The following GALNTL6 variants were observed in gnomAD, a reference collection of about 807,000 sequenced individuals.
GALNTL6 encodes polypeptide N-acetylgalactosaminyltransferase-like 6.
A neutral mutation model predicts 73.7 loss-of-function variants in GALNTL6; 46 were observed. That is an observed-to-expected ratio of 0.62 (90% confidence interval 0.49 to 0.80). The LOEUF (loss-of-function observed/expected upper bound fraction) is 0.80. Among genes scored for constraint, GALNTL6 ranks in the 30% least tolerant of loss-of-function variants. The pLI is 0.00. For synonymous variants in GALNTL6, 259 were observed against 263.7 expected, an observed-to-expected ratio of 0.98 and a Z score of 0.17; for missense variants, 604 against 755.0, an observed-to-expected ratio of 0.80 and a Z score of 2.34.
At position 172,618,261 on chromosome 4, in the gene GALNTL6, C is replaced by T. The variant is rs145894041; in HGVS notation, c.554-191100C>T. The stretch of plus-strand genomic sequence containing the variant: ...GTCATATGGAGCTGAAAGCAATCTC[C>T]TTCATTAACACTAAGTGCCCAGAAA... On this transcript the variant is annotated intron_variant, in intron 5 of 12. Coordinates refer to ENST00000506823, the MANE Select transcript of GALNTL6 (RefSeq NM_001034845.3). Among the ~76,000 whole-genome samples the T allele has an allele frequency of 8.7e-3, 1,321 of 152,210 alleles. 18 individuals carry two copies. Among genetic ancestry groups the T allele is most frequent in the African/African-American group, 0.03 (1,235 of 41,512 alleles).
intron 10 of GALNTL6, among the ~76,000 whole-genome samples, chr4:172,954,570 G>A (rs1006176260): frequency 2.0e-5 from 3 of 152,070 alleles, no homozygotes; most frequent in Admixed American, 2.0e-4. Flanking sequence ...GGACTCAAGT[G>A]ATCCTCCCAC....
chr4:172,116,858 T>C (rs571713858), intron 2 of GALNTL6, among the ~76,000 whole-genome samples: 2 of 152,270 alleles, frequency 1.3e-5, no homozygotes, highest in South Asian at 4.2e-4. Context: ...AAATATAAGC[T>C]TTTTGTCTTA....
chr4:172,449,863 T>A (rs1221273772), intron 5 of GALNTL6, among the ~76,000 whole-genome samples: 1 of 152,208 alleles, frequency 6.6e-6, no homozygotes, highest in East Asian at 1.9e-4. Flanking sequence ...ATCAGCATCT[T>A]CCTTTGGAAG....
chr4:172,943,544 A>T (rs1223828448), intron 9 of GALNTL6, among the ~76,000 whole-genome samples: 1 of 152,236 alleles, frequency 6.6e-6, no homozygotes, highest in Non-Finnish European at 1.5e-5. Context: ...TTTCTGCTTA[A>T]TAGTCTTTCA....
chr4:172,969,815 A>T lies in GALNTL6; in HGVS notation c.1371+17557A>T, dbSNP rs149863323. ...AGGATGTTTGAGAGGTGATTAGGTC[A>T]TGAGGGCAAAGCCGTCATGAATGCA... On this transcript the variant is annotated intron_variant, in intron 10 of 12. Coordinates refer to ENST00000506823, the MANE Select transcript of GALNTL6 (RefSeq NM_001034845.3). Among the ~76,000 whole-genome samples, 690 of 152,356 alleles carry T rather than the reference A, an allele frequency of 4.5e-3. 8 individuals are homozygous for T. The highest frequency in any genetic ancestry group is 0.016 in the African/African-American group (650 of 41,574).
At chr4:172,235,340 T>C (rs1201659845) in intron 3 of GALNTL6, among the ~76,000 whole-genome samples, 7 of 152,108 alleles carry the variant, frequency 4.6e-5, no homozygotes, top group African/African-American at 7.2e-5. Context: ...CCCGAGGAGC[T>C]TGGACTACAG....
chr4:172,783,368 T>C (rs1258933904), intron 5 of GALNTL6, among the ~76,000 whole-genome samples: 1 of 147,676 alleles, frequency 6.8e-6, no homozygotes, highest in Admixed American at 6.8e-5. Flanking sequence ...AATAGTGTAT[T>C]AATAATATTA....
chr4:172,302,543 C>T (rs927467754), intron 3 of GALNTL6, among the ~76,000 whole-genome samples: 1 of 152,140 alleles, frequency 6.6e-6, no homozygotes, highest in African/African-American at 2.4e-5. Flanking sequence ...TTAAGGATTT[C>T]TCCACCTATC....
intron 5 of GALNTL6, among the ~76,000 whole-genome samples, chr4:172,712,911 C>A (rs575184802): frequency 3.3e-5 from 5 of 152,224 alleles, no homozygotes; most frequent in African/African-American, 1.2e-4. Flanking sequence ...TTGCCACTTG[C>A]TCTCACCAAG....
At chr4:172,148,502 A>T (rs1467866749) in intron 2 of GALNTL6, among the ~76,000 whole-genome samples, 1 of 152,222 alleles carries the variant, frequency 6.6e-6, no homozygotes, top group Admixed American at 6.5e-5. Context: ...GGTACTGAAT[A>T]AAAGAGAACA....
chr4:171,994,073 T>C (rs1229156097), intron 2 of GALNTL6, among the ~76,000 whole-genome samples: 1 of 152,050 alleles, frequency 6.6e-6, no homozygotes, highest in African/African-American at 2.4e-5. Flanking sequence ...TCTTATGGAT[T>C]GAGTAGAAGA....
intron 3 of GALNTL6, among the ~76,000 whole-genome samples, chr4:172,275,531 C>T (rs576097700): frequency 6.6e-6 from 1 of 152,250 alleles, no homozygotes; most frequent in Admixed American, 6.5e-5. Context: ...GGAATCCAAT[C>T]AATTAATACA....
intron 5 of GALNTL6, among the ~76,000 whole-genome samples, chr4:172,438,286 T>A (rs1179705644): frequency 2.6e-5 from 4 of 152,090 alleles, no homozygotes; most frequent in Non-Finnish European, 5.9e-5. Flanking sequence ...AATCATATGG[T>A]CATGCTTTCA....
At chr4:172,227,390 A>G (rs1189676294) in intron 2 of GALNTL6, among the ~76,000 whole-genome samples, 1 of 152,154 alleles carries the variant, frequency 6.6e-6, no homozygotes. Context: ...CCTTATATTT[A>G]ACTGTTTCTG....
chr4:173,024,280 A>C (rs1023085635), intron 12 of GALNTL6, among the ~76,000 whole-genome samples: 1 of 152,204 alleles, frequency 6.6e-6, no homozygotes, highest in African/African-American at 2.4e-5. Flanking sequence ...AGCTTTTTGT[A>C]GCTGTTGGTA....
At chr4:172,063,019 T>TACCAAA (rs1391628284) in intron 2 of GALNTL6, among the ~76,000 whole-genome samples, 3 of 152,220 alleles carry the variant, frequency 2.0e-5, no homozygotes, top group Non-Finnish European at 4.4e-5. Context: ...AGCTATGTAA[T>TACCAAA]ACCAAAATCC....
At chr4:172,961,586 T>C (rs1561057925) in intron 10 of GALNTL6, among the ~76,000 whole-genome samples, 1 of 151,818 alleles carries the variant, frequency 6.6e-6, no homozygotes, top group East Asian at 1.9e-4. Flanking sequence ...GGCACCAGAG[T>C]TTTGGGTTCA....
intron 2 of GALNTL6, among the ~76,000 whole-genome samples, chr4:172,176,165 C>T (rs28622332): frequency 0.038 from 5,705 of 150,820 alleles, 343 homozygotes; most frequent in African/African-American, 0.13. Context: ...CGGTGAAACC[C>T]CATCTCTACT....
chr4:171,924,019 T>G (rs1426507528), intron 2 of GALNTL6, among the ~76,000 whole-genome samples: 1 of 151,970 alleles, frequency 6.6e-6, no homozygotes, highest in Non-Finnish European at 1.5e-5. Flanking sequence ...AACAAAATTA[T>G]TGGTTGAAAA....
Sources: gnomAD v4.1 joint callset for allele counts (sites outside exome capture counted in the v4.1 genomes callset) on GRCh38, gnomAD v4.1.1 for gene constraint, MANE v1.5 for transcripts, NCBI Gene and HGNC (gene_info 2026-07-23, HGNC 2026-07-21) for gene names.